The following LGSN variants were observed in gnomAD, a reference collection of about 807,000 sequenced individuals.
LGSN encodes the protein lengsin, lens protein with glutamine synthetase domain.
Under a neutral mutation model 19.5 loss-of-function variants are expected in LGSN, and 21 were observed. The observed-to-expected ratio is 1.07, with a 90% CI of 0.76 to 1.55. The LOEUF is 1.55. Ranked by LOEUF, LGSN falls within the 40% of genes most tolerant of loss-of-function variation. The probability of loss-of-function intolerance (pLI) is 0.00; values close to 1 mark genes in which losing one functional copy is unlikely to be tolerated. For synonymous variants in LGSN, 257 were observed against 215.6 expected (o/e 1.19, Z -1.68); for missense variants, 673 against 608.5 (o/e 1.11, Z -1.12).
chr6:63,442,226 T>C, the LGSN span, among the ~76,000 whole-genome samples: 1 of 152,224 alleles, frequency 6.6e-6, no homozygotes, highest in African/African-American at 2.4e-5. Context: ...ATGCAGACCT[T>C]CACGGTGAGT....
the LGSN span, among the ~76,000 whole-genome samples, chr6:63,452,653 T>TCTCTCTC: frequency 2.7e-5 from 4 of 147,964 alleles, no homozygotes; most frequent in Admixed American, 6.8e-5. Context: ...TATGTTATCT[T>TCTCTCTC]TCTCTCTCTC....
At position 63,280,765 on chromosome 6, in the gene LGSN, C is replaced by T; in HGVS notation, c.786G>A (p.Arg262=). 1.2e-6 allele frequency: 2 copies of T among 1,614,090 alleles called. No individual in the cohort carries two copies. Among genetic ancestry groups the T allele is most frequent in the Admixed American group, 1.7e-5 (1 of 60,008 alleles). The part of the protein sequence containing the change: ...ANVESFSSST[R]PGQMEISFLP... ...GGAAAGAGATTTCCATCTGACCAGG[C>T]CTGGTAGAGGAGGAAAAACTCTCGA... Residue 262 remains arginine, a synonymous_variant, in exon 4 of 4, where the codon AGG becomes AGA. Coordinates refer to ENST00000370657, the MANE Select transcript of LGSN (RefSeq NM_016571.3).
At chr6:63,469,091 T>G in the LGSN span, among the ~76,000 whole-genome samples, 1 of 152,136 alleles carries the variant, frequency 6.6e-6, no homozygotes. Context: ...AGGACCATAT[T>G]TTATACATGT....
chr6:63,485,109 G>A, the LGSN span, among the ~76,000 whole-genome samples: 4 of 151,956 alleles, frequency 2.6e-5, no homozygotes, highest in African/African-American at 4.8e-5. Context: ...ATCATGGGGG[G>A]TTGTACAGAT....
At chr6:63,514,439 G>C in the LGSN span, among the ~76,000 whole-genome samples, 1 of 152,176 alleles carries the variant, frequency 6.6e-6, no homozygotes, top group Non-Finnish European at 1.5e-5. Flanking sequence ...TGTTGGTCAG[G>C]CTGGTCTTGA....
rs1291139403 is a variant in LGSN at position 63,276,804 on chromosome 6, A to G, written c.*3217T>C. ...TCTGACCCTCTTAACCCAGACCAAGAAGGTAGAAGCATCAGCAGAAAGTCC... is the reference window on the plus strand; with the variant it reads ...TCTGACCCTCTTAACCCAGACCAAGGAGGTAGAAGCATCAGCAGAAAGTCC... On this transcript the variant is annotated 3_prime_UTR_variant, in exon 4 of 4. Transcript: ENST00000370657. 1.3e-5 allele frequency: 2 copies of G among 152,234 alleles called. No homozygotes were observed. Among genetic ancestry groups the G allele is most frequent in the Non-Finnish European group, 1.5e-5 (1 of 68,048 alleles). The allele number at this position is 152,234 out of a possible 1,614,324, so 9.4% of individuals were successfully genotyped here. A position where few individuals can be genotyped will look rare whatever the true frequency, so the allele number is the denominator to read the frequency against.
chr6:63,390,638 C>CCT, the LGSN span, among the ~76,000 whole-genome samples: 2 of 150,940 alleles, frequency 1.3e-5, no homozygotes, highest in Admixed American at 6.6e-5. Flanking sequence ...GGGCGGATCA[C>CCT]GAGGTCAGGA....
the LGSN span, among the ~76,000 whole-genome samples, chr6:63,569,738 T>G: frequency 1.3e-5 from 2 of 152,236 alleles, no homozygotes; most frequent in African/African-American, 4.8e-5. Flanking sequence ...TCCTCTATTT[T>G]AGAGCCTCTC....
intron 1 of LGSN, among the ~76,000 whole-genome samples, chr6:63,318,240 A>G (rs1768940767): frequency 6.6e-6 from 1 of 152,092 alleles, no homozygotes; most frequent in African/African-American, 2.4e-5. Flanking sequence ...ATTCTGAGGG[A>G]TTTTCTCCAT....
the LGSN span, among the ~76,000 whole-genome samples, chr6:63,409,808 G>A: frequency 6.6e-6 from 1 of 152,280 alleles, no homozygotes; most frequent in East Asian, 1.9e-4. Context: ...GGCCGAGATG[G>A]GCAGATCACT....
chr6:63,556,797 G>A, the LGSN span, among the ~76,000 whole-genome samples: 156 of 152,224 alleles, frequency 1.0e-3, no homozygotes, highest in Middle Eastern at 3.4e-3. Flanking sequence ...GTTGTTAATC[G>A]ACTTTTACAA....
At chr6:63,364,391 C>A in the LGSN span, among the ~76,000 whole-genome samples, 1 of 152,132 alleles carries the variant, frequency 6.6e-6, no homozygotes, top group South Asian at 2.1e-4. Context: ...GCTAACTATC[C>A]TAAATATATA....
At chr6:63,397,682 A>G in the LGSN span, among the ~76,000 whole-genome samples, 1 of 152,098 alleles carries the variant, frequency 6.6e-6, no homozygotes. Context: ...TTGGGAGGCC[A>G]AGGAGGCTGG....
At chr6:63,475,182 T>C in the LGSN span, among the ~76,000 whole-genome samples, 9 of 152,058 alleles carry the variant, frequency 5.9e-5, no homozygotes, top group African/African-American at 1.9e-4. Context: ...TTTACAAACT[T>C]ACTGTCTTCA....
the LGSN span, among the ~76,000 whole-genome samples, chr6:63,506,868 A>G: frequency 6.6e-6 from 1 of 152,146 alleles, no homozygotes; most frequent in African/African-American, 2.4e-5. Flanking sequence ...TGAACATCTC[A>G]GAGAAGTTGA....
the LGSN span, among the ~76,000 whole-genome samples, chr6:63,462,536 C>A: frequency 6.6e-6 from 1 of 152,202 alleles, no homozygotes; most frequent in Non-Finnish European, 1.5e-5. Context: ...ACTTGGGAGG[C>A]TGAGGCAGGA....
At chr6:63,394,754 T>C in the LGSN span, among the ~76,000 whole-genome samples, 1 of 152,296 alleles carries the variant, frequency 6.6e-6, no homozygotes, top group Admixed American at 6.5e-5. Context: ...CCCTTTCCGG[T>C]AACACTGGGG....
intron 1 of LGSN, among the ~76,000 whole-genome samples, chr6:63,314,138 C>T (rs188562611): frequency 1.3e-3 from 204 of 152,164 alleles, no homozygotes; most frequent in African/African-American, 4.6e-3. Context: ...ACAAACCATA[C>T]AGTAAACCCT....
the LGSN span, among the ~76,000 whole-genome samples, chr6:63,393,687 T>C: frequency 1.3e-5 from 2 of 152,228 alleles, no homozygotes; most frequent in Admixed American, 1.3e-4. Context: ...CATCCACTGC[T>C]GGCAGGTCTT....
Sources: gnomAD v4.1 joint callset for allele counts (sites outside exome capture counted in the v4.1 genomes callset) on GRCh38, gnomAD v4.1.1 for gene constraint, MANE v1.5 for transcripts, NCBI Gene and HGNC (gene_info 2026-07-23, HGNC 2026-07-21) for gene names.